Variants in STPG2 observed in about 807,000 individuals in gnomAD.
STPG2 encodes sperm tail PG-rich repeat containing 2.
In STPG2, 56 loss-of-function variants were observed where a neutral mutation model predicts 54.2. The observed-to-expected ratio is 1.03, with a 90% CI of 0.83 to 1.29. The LOEUF is 1.29. STPG2 is among the 50% of genes most tolerant of loss of function. The probability of loss-of-function intolerance (pLI) is 0.00; values close to 1 mark genes in which losing one functional copy is unlikely to be tolerated. For missense variants in STPG2, 596 were observed against 544.9 expected (o/e 1.09, Z -0.93); for synonymous variants, 200 against 181.8 (o/e 1.10, Z -0.81).
intron 10 of STPG2, among the ~76,000 whole-genome samples, chr4:97,644,093 G>C (rs1721840287): frequency 6.6e-6 from 1 of 151,830 alleles, no homozygotes; most frequent in South Asian, 2.1e-4. Context: ...TAAAGAGGGG[G>C]TGATGCTTAT....
chr4:97,896,153 T>C (rs1730945970), intron 8 of STPG2, among the ~76,000 whole-genome samples: 1 of 151,752 alleles, frequency 6.6e-6, no homozygotes, highest in African/African-American at 2.4e-5. Flanking sequence ...ATCAAGCTTT[T>C]TCTCCAAACA....
intron 8 of STPG2, among the ~76,000 whole-genome samples, chr4:97,854,859 C>T (rs1359906819): frequency 6.6e-6 from 1 of 152,124 alleles, no homozygotes; most frequent in African/African-American, 2.4e-5. Flanking sequence ...ACGTATTAAG[C>T]CCAGTATCCA....
At chr4:98,057,541 C>G (rs1323504193) in intron 5 of STPG2, among the ~76,000 whole-genome samples, 1 of 152,078 alleles carries the variant, frequency 6.6e-6, no homozygotes, top group African/African-American at 2.4e-5. Flanking sequence ...AACAAAACCT[C>G]TGGGAAATAT....
chr4:98,045,378 T>C (rs956495018), intron 5 of STPG2, among the ~76,000 whole-genome samples: 3 of 152,200 alleles, frequency 2.0e-5, no homozygotes, highest in African/African-American at 7.2e-5. Flanking sequence ...CCAACTTTTT[T>C]TGGTGGGAAG....
In STPG2 at chr4:98,109,231, T is replaced by C; in HGVS notation, c.462A>G (p.Lys154=). 6 of 1,611,472 alleles carry C rather than the reference T, an allele frequency of 3.7e-6. No homozygotes were observed. The highest frequency in any genetic ancestry group is 5.1e-6 in the Non-Finnish European group (6 of 1,178,516). ...GNSSGRQELP[K]KSGPGPGQYD... ...ACTGTCCTGGACCAGGACCTGACTT[T>C]TTAGGTAACTCTTGTCTTCCTGAAG... is the stretch of plus-strand genomic sequence containing the variant. Residue 154 remains lysine (K), a synonymous_variant, in exon 4 of 11, where the codon AAA becomes AAG. Transcript: ENST00000295268.
intron 4 of STPG2, among the ~76,000 whole-genome samples, chr4:97,452,323 C>T (rs1560614250): frequency 6.6e-6 from 1 of 152,060 alleles, no homozygotes; most frequent in South Asian, 2.1e-4. Flanking sequence ...GGAGCCTGGG[C>T]ACCATAAAGG....
intron 4 of STPG2, among the ~76,000 whole-genome samples, chr4:97,470,231 T>C (rs1729890108): frequency 6.6e-6 from 1 of 152,092 alleles, no homozygotes; most frequent in Non-Finnish European, 1.5e-5. Flanking sequence ...AGAAATATGA[T>C]AGATGAATCC....
At chr4:97,753,861 T>TTTG (rs933056613) in intron 9 of STPG2, among the ~76,000 whole-genome samples, 4 of 151,944 alleles carry the variant, frequency 2.6e-5, no homozygotes, top group Admixed American at 6.6e-5. Flanking sequence ...TTGGGTTGTT[T>TTTG]TTGTTGTTGT....
chr4:97,445,074 C>A (rs577948909), intron 4 of STPG2, among the ~76,000 whole-genome samples: 1 of 152,032 alleles, frequency 6.6e-6, no homozygotes, highest in African/African-American at 2.4e-5. Flanking sequence ...TGATAATAAT[C>A]TATTGTGGAG....
intron 10 of STPG2, among the ~76,000 whole-genome samples, chr4:97,613,019 A>C (rs1006062799): frequency 1.1e-4 from 16 of 152,104 alleles, no homozygotes; most frequent in African/African-American, 3.9e-4. Context: ...AAAATAGTAC[A>C]CAGTTCCTGT....
At chr4:97,884,296 C>T (rs1031439480) in intron 8 of STPG2, among the ~76,000 whole-genome samples, 22 of 152,210 alleles carry the variant, frequency 1.4e-4, no homozygotes, top group African/African-American at 5.3e-4. Flanking sequence ...ATGAACTTAA[C>T]CCTAACCCTC....
rs199641119 is a variant in STPG2 at position 98,020,015 on chromosome 4, C to G, written c.613-38697G>C. ...CTAATTGAATACCCTTTATTTCCTTCTCCTGCCTAATTGCCCTGGCCAGAA... is the reference window on the plus strand; with the variant it reads ...CTAATTGAATACCCTTTATTTCCTTGTCCTGCCTAATTGCCCTGGCCAGAA... On this transcript the variant is annotated intron_variant, in intron 5 of 10. Transcript: ENST00000295268. Among the ~76,000 whole-genome samples, 36 of 120,578 alleles carry G rather than the reference C, an allele frequency of 3.0e-4. 3 individuals carry two copies. In the East Asian group the frequency reaches 7.5e-3, roughly 25 times the overall value. The allele number at this position is 120,578 out of a possible 152,430, so 79.1% of individuals were successfully genotyped here. A position where few individuals can be genotyped will look rare whatever the true frequency, so the allele number is the denominator to read the frequency against.
At chr4:97,539,452 T>A (rs900123976) in intron 4 of STPG2, among the ~76,000 whole-genome samples, 6 of 152,152 alleles carry the variant, frequency 3.9e-5, no homozygotes, top group Non-Finnish European at 7.3e-5. Flanking sequence ...AAGAAGGCCA[T>A]TACATAATGG....
At chr4:97,511,326 A>C (rs1349499156) in intron 4 of STPG2, among the ~76,000 whole-genome samples, 1 of 152,060 alleles carries the variant, frequency 6.6e-6, no homozygotes, top group Non-Finnish European at 1.5e-5. Flanking sequence ...ATATCTGATT[A>C]AGAAGAATTT....
At chr4:97,825,266 TG>T (rs1342716713) in intron 9 of STPG2, among the ~76,000 whole-genome samples, 2 of 152,168 alleles carry the variant, frequency 1.3e-5, no homozygotes, top group Non-Finnish European at 2.9e-5. Flanking sequence ...CTTTAACTTT[TG>T]GGGGTGTCAG....
intron 3 of STPG2, among the ~76,000 whole-genome samples, chr4:98,123,308 T>C (rs1739738071): frequency 6.6e-6 from 1 of 152,178 alleles, no homozygotes; most frequent in Admixed American, 6.5e-5. Flanking sequence ...TCTTTCTAGC[T>C]TTTTAATGTG....
chr4:97,600,527 A>G (rs998079708), intron 10 of STPG2, among the ~76,000 whole-genome samples: 2 of 152,186 alleles, frequency 1.3e-5, no homozygotes, highest in Admixed American at 1.3e-4. Context: ...GAGGGCTCAT[A>G]ATGGATTTCA....
intron 8 of STPG2, among the ~76,000 whole-genome samples, chr4:97,942,350 G>T (rs1733019655): frequency 6.6e-6 from 1 of 151,890 alleles, no homozygotes; most frequent in East Asian, 1.9e-4. Flanking sequence ...CCTGAGGTGT[G>T]TACAACAATG....
intron 8 of STPG2, among the ~76,000 whole-genome samples, chr4:97,857,330 T>C (rs1729368407): frequency 6.6e-6 from 1 of 152,174 alleles, no homozygotes; most frequent in African/African-American, 2.4e-5. Context: ...ACTGCCTCAA[T>C]TTCAGAACTC....
Sources: allele counts gnomAD v4.1 joint callset (sites outside exome capture counted in the v4.1 genomes callset), GRCh38; gene constraint gnomAD v4.1.1; transcripts MANE v1.5; gene names NCBI Gene and HGNC (gene_info 2026-07-23, HGNC 2026-07-21).